LASP1: variants seen among roughly 807,000 people sequenced by gnomAD.
The protein encoded by LASP1 is LIM and SH3 domain protein 1.
LASP1 carries 10 observed loss-of-function variants against 38.6 expected under a neutral mutation model. The ratio of observed to expected loss-of-function variants is 0.26; its 90% CI spans 0.16 to 0.44. The LOEUF is 0.44. Among genes scored for constraint, LASP1 ranks in the 20% least tolerant of loss-of-function variants. The probability of loss-of-function intolerance (pLI) is 1.00; values close to 1 mark genes in which losing one functional copy is unlikely to be tolerated. For missense variants in LASP1, 243 were observed against 375.7 expected (o/e 0.65, Z 2.92); for synonymous variants, 132 against 140.8 (o/e 0.94, Z 0.44).
At chr17:38,881,562 G>T (rs1302565573) in intron 2 of LASP1, among the ~76,000 whole-genome samples, 1 of 152,188 alleles carries the variant, frequency 6.6e-6, no homozygotes, top group East Asian at 1.9e-4. Flanking sequence ...TGACATTCAG[G>T]TTCCTGAATC....
At chr17:38,896,698 G>C (rs1255947609) in intron 3 of LASP1, among the ~76,000 whole-genome samples, 1 of 152,190 alleles carries the variant, frequency 6.6e-6, no homozygotes, top group Admixed American at 6.5e-5. Context: ...TCTGTATCGT[G>C]GGTTGGAGTG....
At chr17:38,894,356 GA>G (rs1914427529) in intron 3 of LASP1, among the ~76,000 whole-genome samples, 1 of 152,152 alleles carries the variant, frequency 6.6e-6, no homozygotes, top group African/African-American at 2.4e-5. Context: ...ATCCTCCTCG[GA>G]TCTTGTAAGC....
intron 2 of LASP1, among the ~76,000 whole-genome samples, chr17:38,884,814 C>T (rs971235290): frequency 9.9e-5 from 15 of 151,372 alleles, no homozygotes; most frequent in African/African-American, 3.4e-4. Context: ...CCTCAGCCTC[C>T]TGGGTAGCTG....
chr17:38,873,396 C>T (rs537587167), intron 1 of LASP1, among the ~76,000 whole-genome samples: 2 of 152,314 alleles, frequency 1.3e-5, no homozygotes, highest in African/African-American at 4.8e-5. Flanking sequence ...TAGGTGTATT[C>T]GCTCTTGTAA....
intron 4 of LASP1, among the ~76,000 whole-genome samples, chr17:38,909,952 T>C (rs546184511): frequency 1.3e-5 from 2 of 152,266 alleles, no homozygotes; most frequent in South Asian, 4.1e-4. Context: ...TTCACTGTGT[T>C]GGCCAGGCTA....
chr17:38,901,221 A>G (rs937881039), intron 4 of LASP1, among the ~76,000 whole-genome samples: 17 of 152,100 alleles, frequency 1.1e-4, no homozygotes, highest in African/African-American at 3.1e-4. Flanking sequence ...AACACTCCAC[A>G]CTCAGCCTAA....
At chr17:38,909,915 G>T (rs57944821) in intron 4 of LASP1, among the ~76,000 whole-genome samples, 3,607 of 152,130 alleles carry the variant, frequency 0.024, 137 homozygotes, top group African/African-American at 0.082. Flanking sequence ...GCCTGATTAA[G>T]TTTTGTATTT....
intron 3 of LASP1, among the ~76,000 whole-genome samples, chr17:38,891,057 G>A (rs919147113): frequency 1.3e-5 from 2 of 152,126 alleles, no homozygotes; most frequent in African/African-American, 2.4e-5. Flanking sequence ...AGGGGAGGAC[G>A]GGTTCCAGGC....
intron 3 of LASP1, among the ~76,000 whole-genome samples, chr17:38,891,633 A>G (rs1275069987): frequency 6.6e-6 from 1 of 152,082 alleles, no homozygotes; most frequent in Non-Finnish European, 1.5e-5. Context: ...AGCTCGTTTA[A>G]TCCTCACCCA....
chr17:38,892,991 G>A (rs957138020), intron 3 of LASP1, among the ~76,000 whole-genome samples: 19 of 135,138 alleles, frequency 1.4e-4, no homozygotes, highest in Non-Finnish European at 3.0e-4. Context: ...ACGCATGCAC[G>A]CGTGTATGTG....
intron 2 of LASP1, among the ~76,000 whole-genome samples, chr17:38,885,714 CG>C (rs1469874505): frequency 6.6e-6 from 1 of 152,174 alleles, no homozygotes; most frequent in African/African-American, 2.4e-5. Flanking sequence ...CCAGCTGGGA[CG>C]GGTGGCCCCT....
intron 2 of LASP1, among the ~76,000 whole-genome samples, chr17:38,882,805 T>C (rs975396017): frequency 6.6e-6 from 1 of 151,918 alleles, no homozygotes; most frequent in Non-Finnish European, 1.5e-5. Flanking sequence ...GAAACCAGCT[T>C]GTGAGGTGTC....
chr17:38,902,254 T>C (rs1914661470), intron 4 of LASP1, among the ~76,000 whole-genome samples: 1 of 151,600 alleles, frequency 6.6e-6, no homozygotes, highest in Non-Finnish European at 1.5e-5. Context: ...AGAGACACTA[T>C]CTTGCTATGT....
intron 4 of LASP1, among the ~76,000 whole-genome samples, chr17:38,900,539 G>A (rs1914614537): frequency 6.6e-6 from 1 of 152,136 alleles, no homozygotes. Flanking sequence ...TGGGCGTGGT[G>A]GCGTGTGCCT....
In LASP1 at chr17:38,918,295, A is replaced by G. The variant is rs912591461; in HGVS notation, c.613-310A>G. ...CACCTGGCCTGCATGTCGTATTTTT[A>G]GACATTACTCTGTCATCATGGCTGG... On this transcript the variant is annotated intron_variant, in intron 6 of 6. Transcript: ENST00000318008. This position sits in a 1 kb window ranked among gnomAD's most constrained non-coding sequence, Gnocchi z 4.4. Among the ~76,000 whole-genome samples the G allele has an allele frequency of 3.3e-5, 5 of 152,128 alleles. No individual in the cohort carries two copies. Among genetic ancestry groups the G allele is most frequent in the African/African-American group, 9.7e-5 (4 of 41,424 alleles).
intron 6 of LASP1, 62 bp downstream of exon 6, chr17:38,915,208 C>T: frequency 7.5e-7 from 1 of 1,335,334 alleles, no homozygotes; most frequent in Non-Finnish European, 1.1e-6. Context: ...AAGGCTTGGA[C>T]ACAGCTCATG....
At chr17:38,882,364 C>G in intron 2 of LASP1, among the ~76,000 whole-genome samples, 1 of 152,238 alleles carries the variant, frequency 6.6e-6, no homozygotes, top group Non-Finnish European at 1.5e-5. Context: ...TCTCCTGCCT[C>G]AGCCTCCCAA....
chr17:38,885,387 C>A (rs2143754373), intron 2 of LASP1, among the ~76,000 whole-genome samples: 1 of 152,288 alleles, frequency 6.6e-6, no homozygotes, highest in South Asian at 2.1e-4. Context: ...GTCCTGAAGC[C>A]CGAGGCTGCT....
At chr17:38,886,064 TCCTC>T (rs1168109138) in intron 2 of LASP1, among the ~76,000 whole-genome samples, 1 of 151,884 alleles carries the variant, frequency 6.6e-6, no homozygotes, top group East Asian at 1.9e-4. Flanking sequence ...CTGTGCCTCT[TCCTC>T]AACCCCCGTA....
Sources: gnomAD v4.1 joint callset for allele counts (sites outside exome capture counted in the v4.1 genomes callset) on GRCh38, gnomAD v4.1.1 for gene constraint, Gnocchi (gnomAD v3.1) non-coding constraint, MANE v1.5 for transcripts, NCBI Gene and HGNC (gene_info 2026-07-23, HGNC 2026-07-21) for gene names.